Variants in PEX14 observed in about 807,000 individuals in gnomAD.
The protein encoded by PEX14 is peroxisomal biogenesis factor 14.
Under a neutral mutation model 49.5 loss-of-function variants are expected in PEX14, and 15 were observed. That is an observed-to-expected ratio of 0.30 (90% CI 0.20 to 0.47). The LOEUF is 0.47. Among genes scored for constraint, PEX14 ranks in the 20% least tolerant of loss-of-function variants. The probability of loss-of-function intolerance (pLI) is 1.00; values close to 1 mark genes in which losing one functional copy is unlikely to be tolerated. For missense variants in PEX14, 398 were observed against 494.8 expected, an observed-to-expected ratio of 0.80 and a Z score of 1.86; for synonymous variants, 210 against 212.7, an observed-to-expected ratio of 0.99 and a Z score of 0.11.
intron 1 of PEX14, 80 bp downstream of exon 1, chr1:10,475,082 TA>T: frequency 7.2e-7 from 1 of 1,385,560 alleles, no homozygotes; most frequent in Non-Finnish European, 1.0e-6. Context: ...GGGAGCCGGG[TA>T]GGGACCCCGA....
At chr1:10,621,390 G>A (rs557512220) in intron 5 of PEX14, among the ~76,000 whole-genome samples, 10 of 138,806 alleles carry the variant, frequency 7.2e-5, no homozygotes, top group African/African-American at 1.4e-4. Flanking sequence ...TCTGTTACCC[G>A]GGCTGGAGTG....
intron 2 of PEX14, chr1:10,516,935 A>G (rs1436438729): frequency 2.0e-5 from 3 of 152,188 alleles, no homozygotes; most frequent in African/African-American, 7.2e-5. Context: ...CCTTCTCCAC[A>G]TGTTTTGTTT....
chr1:10,620,747 C>T (rs1352656256), intron 5 of PEX14, among the ~76,000 whole-genome samples: 3 of 152,090 alleles, frequency 2.0e-5, no homozygotes, highest in Admixed American at 6.5e-5. Context: ...TGCAGTGAGC[C>T]GAGATTGTGC....
rs551439115 is a variant in PEX14 at position 10,609,970 on chromosome 1, C to T, written c.299-8362C>T. ...AGACTTCTGTGTCTGGTTTCTTTACCGTAACATAATGGTTTTGAGATTGAT... is the reference window on the plus strand; with the variant it reads ...AGACTTCTGTGTCTGGTTTCTTTACTGTAACATAATGGTTTTGAGATTGAT... On this transcript the variant is annotated intron_variant, in intron 4 of 8. Coordinates refer to ENST00000356607, the MANE Select transcript of PEX14 (RefSeq NM_004565.3). Among the ~76,000 whole-genome samples the T allele has an allele frequency of 1.4e-4, 21 of 150,652 alleles. No individual in the cohort carries two copies. The East Asian group carries it at 1.9e-3, about 14-fold the overall frequency.
intron 1 of PEX14, among the ~76,000 whole-genome samples, chr1:10,480,726 A>G (rs1228539727): frequency 6.6e-6 from 1 of 152,040 alleles, no homozygotes; most frequent in African/African-American, 2.4e-5. Context: ...TTTCTCACGT[A>G]TAGAAAAGTT....
intron 2 of PEX14, among the ~76,000 whole-genome samples, chr1:10,525,351 C>T (rs575625536): frequency 1.6e-4 from 24 of 152,056 alleles, no homozygotes; most frequent in African/African-American, 5.3e-4. Context: ...TCCTCATCTG[C>T]GTCAGCGGTA....
At chr1:10,523,070 T>G (rs1430549286) in intron 2 of PEX14, among the ~76,000 whole-genome samples, 3 of 152,158 alleles carry the variant, frequency 2.0e-5, no homozygotes, top group Non-Finnish European at 4.4e-5. Flanking sequence ...ACTAATAAGC[T>G]TTTTGAATTT....
intron 2 of PEX14, among the ~76,000 whole-genome samples, chr1:10,509,418 T>C (rs1481352073): frequency 3.9e-5 from 6 of 152,376 alleles, no homozygotes; most frequent in South Asian, 2.1e-4. Context: ...ATTATTTCTA[T>C]TGGATTTTTG....
chr1:10,584,482 C>T (rs1388603888), intron 3 of PEX14, among the ~76,000 whole-genome samples: 3 of 152,200 alleles, frequency 2.0e-5, no homozygotes, highest in Non-Finnish European at 4.4e-5. Context: ...CAAATTAAGA[C>T]ATGCTTACTG....
chr1:10,583,931 G>A (rs1429353354), intron 3 of PEX14, among the ~76,000 whole-genome samples: 1 of 151,640 alleles, frequency 6.6e-6, no homozygotes, highest in African/African-American at 2.4e-5. Context: ...AGCATTCACA[G>A]GGAGTAAGGT....
chr1:10,583,504 T>G lies in PEX14; in HGVS notation c.170-15734T>G, dbSNP rs760019408. 1.9e-4 allele frequency among the ~76,000 whole-genome samples: 29 copies of G among 151,818 alleles called. 1 individual carries two copies. The highest frequency in any genetic ancestry group is 2.9e-4 in the Non-Finnish European group (20 of 67,974). On this transcript the variant is annotated intron_variant, in intron 3 of 8. Transcript: ENST00000356607. ...CCCAAAGTGCTGAGATTACAGGTAT[T>G]AGCTACCACGCCTGGCTTTTTACAC...
At chr1:10,563,333 C>T (rs1362556913) in intron 3 of PEX14, among the ~76,000 whole-genome samples, 1 of 151,984 alleles carries the variant, frequency 6.6e-6, no homozygotes, top group East Asian at 2.0e-4. Flanking sequence ...GGCGCGGTTG[C>T]TCACGCCTGT....
At chr1:10,524,727 T>C (rs1638416944) in intron 2 of PEX14, among the ~76,000 whole-genome samples, 1 of 152,208 alleles carries the variant, frequency 6.6e-6, no homozygotes, top group African/African-American at 2.4e-5. Flanking sequence ...GGGGTCTCAC[T>C]CTGTCACCCA....
At chr1:10,555,306 C>G (rs774345565) in intron 3 of PEX14, among the ~76,000 whole-genome samples, 1 of 152,090 alleles carries the variant, frequency 6.6e-6, no homozygotes, top group Non-Finnish European at 1.5e-5. Flanking sequence ...GTTACCCACT[C>G]ACTTCTGGTG....
At chr1:10,534,985 C>T (rs1161206336) in intron 2 of PEX14, among the ~76,000 whole-genome samples, 1 of 152,196 alleles carries the variant, frequency 6.6e-6, no homozygotes, top group Non-Finnish European at 1.5e-5. Context: ...ATTTCACTTA[C>T]AGTCACAGTA....
intron 3 of PEX14, among the ~76,000 whole-genome samples, chr1:10,547,189 T>C (rs1468423650): frequency 1.3e-5 from 2 of 152,186 alleles, no homozygotes; most frequent in Non-Finnish European, 2.9e-5. Context: ...TGGGCTTGGC[T>C]TCTACTTCTG....
At chr1:10,530,595 C>T (rs1638620637) in intron 2 of PEX14, among the ~76,000 whole-genome samples, 1 of 152,210 alleles carries the variant, frequency 6.6e-6, no homozygotes, top group Admixed American at 6.5e-5. Flanking sequence ...GGAGCCTGTT[C>T]CTCCTTGTCC....
At chr1:10,585,211 G>C (rs1316584415) in intron 3 of PEX14, among the ~76,000 whole-genome samples, 1 of 152,136 alleles carries the variant, frequency 6.6e-6, no homozygotes, top group Non-Finnish European at 1.5e-5. Context: ...TCAAGAGAAA[G>C]AGCAAAGTGT....
chr1:10,503,281 C>CAAAAAAAAAAAAAAAAAAAAAAAAAAA (rs59342388), intron 2 of PEX14, among the ~76,000 whole-genome samples: 1 of 75,490 alleles, frequency 1.3e-5, no homozygotes, highest in African/African-American at 5.8e-5. Flanking sequence ...GACTCTGTCT[C>CAAAAAAAAAAAAAAAAAAAAAAAAAAA]AAAAAAAAAA....
Sources: allele counts gnomAD v4.1 joint callset (sites outside exome capture counted in the v4.1 genomes callset), GRCh38; gene constraint gnomAD v4.1.1; transcripts MANE v1.5; gene names NCBI Gene and HGNC (gene_info 2026-07-23, HGNC 2026-07-21).